SAMMSON: variants seen among roughly 807,000 people sequenced by gnomAD.
SAMMSON encodes the protein long intergenic non-protein coding RNA 1212.
chr3:70,188,573 A>G (rs1243442441), intron 4 of SAMMSON, among the ~76,000 whole-genome samples: 4 of 152,220 alleles, frequency 2.6e-5, no homozygotes, highest in African/African-American at 9.6e-5. Flanking sequence ...CAAAAAGTTG[A>G]TATGATGTGG....
intron 4 of SAMMSON, among the ~76,000 whole-genome samples, chr3:70,217,323 A>G (rs1192036738): frequency 1.3e-5 from 2 of 152,130 alleles, no homozygotes; most frequent in African/African-American, 4.8e-5. Flanking sequence ...TGAAATAAGC[A>G]TTGTTGTCAT....
Position 70,049,570 on chromosome 3 carries a change from A to T in SAMMSON, n.418-21906A>T, listed in dbSNP as rs189267715. On this transcript the variant is annotated intron_variant and non_coding_transcript_variant, in intron 3 of 9. Transcript: ENST00000642114. ...AGGTTGAGGTGAAGACTACAGGTAG[A>T]GATCTTGGTACCATGTCTGGTGTGT... Among the ~76,000 whole-genome samples, 17 of 152,236 alleles carry T rather than the reference A, an allele frequency of 1.1e-4. No homozygotes were observed. In the East Asian group the frequency reaches 3.3e-3, roughly 30 times the overall value.
intron 8 of SAMMSON, among the ~76,000 whole-genome samples, chr3:70,355,977 A>T (rs1441734672): frequency 6.6e-6 from 1 of 152,204 alleles, no homozygotes; most frequent in African/African-American, 2.4e-5. Flanking sequence ...AGACAAAAAG[A>T]CATACATTTG....
chr3:70,418,029 A>G (rs2106772330), intron 2 of SAMMSON, among the ~76,000 whole-genome samples: 1 of 152,272 alleles, frequency 6.6e-6, no homozygotes, highest in Non-Finnish European at 1.5e-5. Context: ...TCATCCCTGA[A>G]GTTTCTGTCC....
At chr3:70,012,899 T>C (rs1241767073) in intron 2 of SAMMSON, among the ~76,000 whole-genome samples, 1 of 152,088 alleles carries the variant, frequency 6.6e-6, no homozygotes, top group African/African-American at 2.4e-5. Flanking sequence ...TCTTCTACCA[T>C]ACAAGGAAGC....
At chr3:70,419,273 TC>T (rs1484886955) in intron 2 of SAMMSON, among the ~76,000 whole-genome samples, 3 of 151,844 alleles carry the variant, frequency 2.0e-5, no homozygotes, top group Non-Finnish European at 4.4e-5. Flanking sequence ...GCTCAGGCGA[TC>T]CACCCGCCTC....
intron 4 of SAMMSON, among the ~76,000 whole-genome samples, chr3:70,227,040 A>G (rs1427103918): frequency 1.3e-5 from 2 of 152,112 alleles, no homozygotes; most frequent in Non-Finnish European, 2.9e-5. Flanking sequence ...TCCTGGGAAA[A>G]TATACCATAT....
chr3:70,230,670 T>G (rs138136412), intron 4 of SAMMSON, among the ~76,000 whole-genome samples: 1 of 152,314 alleles, frequency 6.6e-6, no homozygotes, highest in East Asian at 1.9e-4. Flanking sequence ...AACGGTAATT[T>G]GATAATCAAT....
chr3:70,080,677 C>A (rs1261430135), intron 4 of SAMMSON, among the ~76,000 whole-genome samples: 1 of 151,908 alleles, frequency 6.6e-6, no homozygotes, highest in Non-Finnish European at 1.5e-5. Flanking sequence ...ACATAATTCT[C>A]CAATCCCTGA....
intron 4 of SAMMSON, among the ~76,000 whole-genome samples, chr3:70,200,449 G>T (rs1701226523): frequency 6.6e-6 from 1 of 152,156 alleles, no homozygotes; most frequent in Admixed American, 6.5e-5. Context: ...TATTTGGAAT[G>T]CACATGGCTC....
chr3:70,227,571 G>A (rs534175552), intron 4 of SAMMSON, among the ~76,000 whole-genome samples: 1 of 152,310 alleles, frequency 6.6e-6, no homozygotes, highest in Non-Finnish European at 1.5e-5. Flanking sequence ...AAATAAGAAA[G>A]TGAAAAGTTG....
chr3:70,011,604 CTTT>C (rs78695967), intron 1 of SAMMSON, among the ~76,000 whole-genome samples: 7 of 134,730 alleles, frequency 5.2e-5, no homozygotes, highest in Non-Finnish European at 6.5e-5. Context: ...GAAGAGTTTA[CTTT>C]TTTTTTTTTT....
intron 4 of SAMMSON, among the ~76,000 whole-genome samples, chr3:70,192,303 G>T (rs1455904218): frequency 2.6e-5 from 4 of 152,172 alleles, no homozygotes; most frequent in African/African-American, 9.7e-5. Context: ...TAGATCTCCA[G>T]GCCTAAGTAG....
chr3:70,072,175 G>A (rs1044707117), intron 4 of SAMMSON: 1 of 151,454 alleles, frequency 6.6e-6, no homozygotes, highest in Non-Finnish European at 1.5e-5. Flanking sequence ...GCATTTTTAC[G>A]TCTCATCAAA....
intron 7 of SAMMSON, among the ~76,000 whole-genome samples, chr3:70,344,982 G>T (rs1052917297): frequency 6.6e-6 from 1 of 152,018 alleles, no homozygotes; most frequent in African/African-American, 2.4e-5. Context: ...GGATGTCATC[G>T]GTTCTAGACC....
intron 4 of SAMMSON, among the ~76,000 whole-genome samples, chr3:70,226,589 T>G (rs1003626413): frequency 6.6e-6 from 1 of 151,404 alleles, no homozygotes; most frequent in Non-Finnish European, 1.5e-5. Flanking sequence ...AATACAAAAA[T>G]TAGCCAGGCA....
intron 2 of SAMMSON, among the ~76,000 whole-genome samples, chr3:70,422,195 G>C (rs540070710): frequency 1.3e-5 from 2 of 152,042 alleles, no homozygotes; most frequent in East Asian, 3.9e-4. Context: ...AGAGAGGACA[G>C]AGGCATAAAA....
At chr3:70,081,414 C>T (rs1266467701) in intron 4 of SAMMSON, among the ~76,000 whole-genome samples, 1 of 152,130 alleles carries the variant, frequency 6.6e-6, no homozygotes, top group Non-Finnish European at 1.5e-5. Context: ...CGCCCGGCCT[C>T]TTCATAGTTT....
At chr3:70,100,474 T>C (rs984467568) in intron 4 of SAMMSON, among the ~76,000 whole-genome samples, 2 of 148,612 alleles carry the variant, frequency 1.3e-5, no homozygotes, top group Non-Finnish European at 1.5e-5. Flanking sequence ...ACCAGCAGCA[T>C]TTTTATCCAG....
Sources: gnomAD v4.1 joint callset for allele counts (sites outside exome capture counted in the v4.1 genomes callset) on GRCh38, gnomAD v4.1.1 for gene constraint, MANE v1.5 for transcripts, NCBI Gene and HGNC (gene_info 2026-07-23, HGNC 2026-07-21) for gene names.